The following ZNF804B variants were observed in gnomAD, a reference collection of about 807,000 sequenced individuals.
The protein encoded by ZNF804B is zinc finger 804B.
ZNF804B carries 80 observed loss-of-function variants against 101.4 expected under a neutral mutation model. The ratio of observed to expected loss-of-function variants is 0.79; its 90% CI spans 0.66 to 0.95. The LOEUF is 0.95. Ranked by LOEUF, ZNF804B falls within the 40% of genes least tolerant of loss-of-function variation. ZNF804B has a pLI of 0.00. For missense variants in ZNF804B, 1,673 were observed against 1,561.9 expected, an observed-to-expected ratio of 1.07 and a Z score of -1.20; for synonymous variants, 622 against 558.8, an observed-to-expected ratio of 1.11 and a Z score of -1.59.
chr7:88,913,363 C>T (rs1443656023), intron 1 of ZNF804B, among the ~76,000 whole-genome samples: 1 of 152,094 alleles, frequency 6.6e-6, no homozygotes. Flanking sequence ...GCACAACAAG[C>T]AGTATCTTTT....
chr7:88,985,202 G>A (rs1273786158), intron 1 of ZNF804B, among the ~76,000 whole-genome samples: 1 of 149,294 alleles, frequency 6.7e-6, no homozygotes, highest in Non-Finnish European at 1.5e-5. Flanking sequence ...TTGAAAACTG[G>A]ATTTTTAAAT....
intron 1 of ZNF804B, among the ~76,000 whole-genome samples, chr7:89,034,125 T>A (rs960216543): frequency 6.6e-6 from 1 of 152,166 alleles, no homozygotes; most frequent in African/African-American, 2.4e-5. Flanking sequence ...AAAGTTGTTT[T>A]ATGTTTAATT....
chr7:89,066,756 T>G (rs919439298), intron 1 of ZNF804B, among the ~76,000 whole-genome samples: 2 of 152,010 alleles, frequency 1.3e-5, no homozygotes, highest in African/African-American at 4.8e-5. Flanking sequence ...CTTGTTTATT[T>G]GTTTTGTTTT....
At chr7:89,110,594 GA>G (rs1790201805) in intron 1 of ZNF804B, among the ~76,000 whole-genome samples, 1 of 152,186 alleles carries the variant, frequency 6.6e-6, no homozygotes, top group African/African-American at 2.4e-5. Flanking sequence ...AAGTTGAACA[GA>G]AAGTATAGAG....
intron 1 of ZNF804B, among the ~76,000 whole-genome samples, chr7:89,216,072 G>T (rs890440391): frequency 1.3e-5 from 2 of 152,124 alleles, no homozygotes; most frequent in African/African-American, 4.8e-5. Context: ...GGGAGGCCGC[G>T]GCAGGTGGAT....
At chr7:88,938,451 ACATG>A (rs1793005783) in intron 1 of ZNF804B, among the ~76,000 whole-genome samples, 1 of 151,992 alleles carries the variant, frequency 6.6e-6, no homozygotes, top group African/African-American at 2.4e-5. Flanking sequence ...CGGCAAATAA[ACATG>A]TTTTGGGGTA....
chr7:89,003,175 C>T (rs1038224481), intron 1 of ZNF804B, among the ~76,000 whole-genome samples: 5 of 151,766 alleles, frequency 3.3e-5, no homozygotes, highest in African/African-American at 1.2e-4. Context: ...TATAATAGTA[C>T]ATGCGTGATT....
chr7:89,102,963 T>G (rs1009757816), intron 1 of ZNF804B, among the ~76,000 whole-genome samples: 1 of 151,634 alleles, frequency 6.6e-6, no homozygotes, highest in African/African-American at 2.4e-5. Context: ...TTGTTTATTT[T>G]TGTTGACATT....
intron 1 of ZNF804B, among the ~76,000 whole-genome samples, chr7:88,775,341 A>T (rs1790125636): frequency 6.6e-6 from 1 of 152,200 alleles, no homozygotes; most frequent in African/African-American, 2.4e-5. Flanking sequence ...GCCGAGGGGC[A>T]ACAAGAAAGC....
chr7:88,974,210 A>T (rs1793580560), intron 1 of ZNF804B, among the ~76,000 whole-genome samples: 1 of 151,388 alleles, frequency 6.6e-6, no homozygotes, highest in African/African-American at 2.4e-5. Flanking sequence ...CCTCATGAAA[A>T]TATGAAAAAT....
intron 1 of ZNF804B, among the ~76,000 whole-genome samples, chr7:88,949,038 G>T (rs561143574): frequency 4.1e-5 from 6 of 145,672 alleles, no homozygotes; most frequent in African/African-American, 5.0e-5. Context: ...GCGTTGGTGT[G>T]TTTTTTTTTT....
chr7:89,071,136 G>C (rs561418837), intron 1 of ZNF804B, among the ~76,000 whole-genome samples: 1 of 152,044 alleles, frequency 6.6e-6, no homozygotes, highest in African/African-American at 2.4e-5. Context: ...GTTGTTTCAG[G>C]AGTATTGACA....
intron 1 of ZNF804B, among the ~76,000 whole-genome samples, chr7:88,980,221 A>G (rs1793677096): frequency 6.6e-6 from 1 of 151,916 alleles, no homozygotes; most frequent in South Asian, 2.1e-4. Context: ...ATTATGTTGA[A>G]TTTTGTTGAG....
chr7:88,961,455 A>G (rs924469012), intron 1 of ZNF804B, among the ~76,000 whole-genome samples: 1 of 151,396 alleles, frequency 6.6e-6, no homozygotes, highest in Non-Finnish European at 1.5e-5. Context: ...AGTTTGAGGT[A>G]TCCACAAAGG....
chr7:89,149,610 A>G (rs1300222176), intron 1 of ZNF804B, among the ~76,000 whole-genome samples: 2 of 152,090 alleles, frequency 1.3e-5, no homozygotes, highest in Admixed American at 6.6e-5. Flanking sequence ...TAGAATAGTC[A>G]TTATCTAAAA....
intron 1 of ZNF804B, among the ~76,000 whole-genome samples, chr7:88,843,962 A>C (rs529148367): frequency 6.6e-6 from 1 of 152,160 alleles, no homozygotes; most frequent in Admixed American, 6.5e-5. Flanking sequence ...AAAATTGTTT[A>C]TAAAGATTAA....
intron 1 of ZNF804B, among the ~76,000 whole-genome samples, chr7:88,854,079 T>A: frequency 6.6e-6 from 1 of 152,194 alleles, no homozygotes; most frequent in Admixed American, 6.6e-5. Context: ...ATTAACATTT[T>A]AATATCTTGG....
intron 1 of ZNF804B, among the ~76,000 whole-genome samples, chr7:89,049,122 G>A (rs1190411112): frequency 2.7e-5 from 4 of 150,216 alleles, no homozygotes; most frequent in African/African-American, 7.6e-5. Context: ...ATCATATTAT[G>A]TGAACACTTA....
chr7:89,187,363 G>A (rs540297127), intron 1 of ZNF804B, among the ~76,000 whole-genome samples: 1 of 152,188 alleles, frequency 6.6e-6, no homozygotes, highest in South Asian at 2.1e-4. Context: ...AAGTACATCA[G>A]TAAAATCATT....
Sources: gnomAD v4.1 joint callset for allele counts (sites outside exome capture counted in the v4.1 genomes callset) on GRCh38, gnomAD v4.1.1 for gene constraint, MANE v1.5 for transcripts, NCBI Gene and HGNC (gene_info 2026-07-23, HGNC 2026-07-21) for gene names.